Variants in ZNF704 observed in about 807,000 individuals in gnomAD.
ZNF704 encodes glucocorticoid induced gene 1.
ZNF704 carries 10 observed loss-of-function variants against 44.7 expected under a neutral mutation model. That is an observed-to-expected ratio of 0.22 (90% CI 0.14 to 0.38). The LOEUF (loss-of-function observed/expected upper bound fraction) is 0.38, where lower values mean the gene tolerates loss of function less well. Among genes scored for constraint, ZNF704 ranks in the 10% least tolerant of loss-of-function variants. ZNF704 has a pLI of 1.00. For synonymous variants in ZNF704, 211 were observed against 207.6 expected, an observed-to-expected ratio of 1.02 and a Z score of -0.14; for missense variants, 390 against 545.5, an observed-to-expected ratio of 0.71 and a Z score of 2.84.
At chr8:80,745,034 G>T (rs1043533261) in intron 2 of ZNF704, among the ~76,000 whole-genome samples, 3 of 152,148 alleles carry the variant, frequency 2.0e-5, no homozygotes, top group Non-Finnish European at 4.4e-5. Context: ...CAATTTGAAT[G>T]ATCAACTTTT....
intron 7 of ZNF704, among the ~76,000 whole-genome samples, chr8:80,656,507 TTC>T: frequency 6.6e-6 from 1 of 152,292 alleles, no homozygotes; most frequent in Non-Finnish European, 1.5e-5. Context: ...ATTAAGGATG[TTC>T]TCTTTCCTAC....
chr8:80,743,222 TATTAA>T (rs1454014912), intron 2 of ZNF704, among the ~76,000 whole-genome samples: 1 of 138,626 alleles, frequency 7.2e-6, no homozygotes, highest in Non-Finnish European at 1.5e-5. Context: ...AAAAATCTCC[TATTAA>T]AATAAAAAAA....
At chr8:80,816,429 A>G (rs1397447863) in intron 2 of ZNF704, among the ~76,000 whole-genome samples, 1 of 152,236 alleles carries the variant, frequency 6.6e-6, no homozygotes. Context: ...TCTATGAAAT[A>G]AAATATTTTG....
intron 7 of ZNF704, among the ~76,000 whole-genome samples, chr8:80,648,776 T>G (rs1817870559): frequency 6.6e-6 from 1 of 152,192 alleles, no homozygotes; most frequent in South Asian, 2.1e-4. Context: ...ATTTCCATTT[T>G]ATAGATGAGA....
At position 80,687,403 on chromosome 8, in the gene ZNF704, G is replaced by A. The variant is rs1023083595; in HGVS notation, c.381C>T (p.Ser127=). The stretch of plus-strand genomic sequence containing the variant: ...GGGCGCTCCAGCTCCAGTAGCCGCT[G>A]CTGCTGGTGCTGGAAGGCACGCAGC... The part of the protein sequence containing the change: ...EGGCVPSSTS[S]SGYWSWSAPS... Residue 127 remains serine (S), a synonymous_variant, in exon 4 of 9, where the codon AGC becomes AGT. Transcript: ENST00000327835. The A allele has an allele frequency of 3.1e-6, 5 of 1,603,120 alleles. No individual in the cohort carries two copies. In the South Asian group the frequency reaches 3.3e-5, roughly 11 times the overall value.
At chr8:80,714,712 T>C (rs1476748773) in intron 2 of ZNF704, among the ~76,000 whole-genome samples, 1 of 152,214 alleles carries the variant, frequency 6.6e-6, no homozygotes, top group South Asian at 2.1e-4. Flanking sequence ...TTAGTTTCTA[T>C]TTGACTGATA....
intron 2 of ZNF704, among the ~76,000 whole-genome samples, chr8:80,702,956 G>A (rs989247872): frequency 6.6e-6 from 1 of 152,066 alleles, no homozygotes; most frequent in Admixed American, 6.5e-5. Flanking sequence ...TTAAGGAAGC[G>A]GGAGGTGGAA....
chr8:80,825,753 G>C (rs934908160), intron 1 of ZNF704, among the ~76,000 whole-genome samples: 1 of 152,160 alleles, frequency 6.6e-6, no homozygotes, highest in Non-Finnish European at 1.5e-5. Flanking sequence ...AATCAAACTA[G>C]AACTCAGGAT....
chr8:80,849,424 AG>A (rs1031304407), intron 1 of ZNF704, among the ~76,000 whole-genome samples: 72 of 152,316 alleles, frequency 4.7e-4, no homozygotes, highest in African/African-American at 1.4e-3. Flanking sequence ...AAAACATCCC[AG>A]AAAGTACAGG....
intron 1 of ZNF704, among the ~76,000 whole-genome samples, chr8:80,859,203 C>T (rs1055197754): frequency 1.3e-5 from 2 of 152,114 alleles, no homozygotes; most frequent in African/African-American, 4.8e-5. Flanking sequence ...GGATATCCTT[C>T]TTCATCTCTG....
intron 1 of ZNF704, among the ~76,000 whole-genome samples, chr8:80,839,343 T>C (rs961235278): frequency 1.3e-5 from 2 of 152,204 alleles, no homozygotes; most frequent in African/African-American, 4.8e-5. Flanking sequence ...ATACATTTCA[T>C]TTAAAATACA....
intron 2 of ZNF704, among the ~76,000 whole-genome samples, chr8:80,782,038 C>T (rs1430051487): frequency 2.0e-5 from 3 of 152,180 alleles, no homozygotes; most frequent in African/African-American, 7.2e-5. Context: ...GAACTGCCAC[C>T]AAAAATATTA....
intron 2 of ZNF704, among the ~76,000 whole-genome samples, chr8:80,813,517 T>C (rs1376908011): frequency 2.0e-5 from 3 of 152,090 alleles, no homozygotes; most frequent in Admixed American, 6.5e-5. Flanking sequence ...AACACACACA[T>C]ACATACACAC....
intron 7 of ZNF704, among the ~76,000 whole-genome samples, chr8:80,646,004 C>G (rs1002508131): frequency 6.6e-6 from 1 of 152,078 alleles, no homozygotes. Context: ...GCCAGTTTGG[C>G]CCCCCTCACC....
chr8:80,779,488 T>C (rs912922333), intron 2 of ZNF704, among the ~76,000 whole-genome samples: 3 of 152,306 alleles, frequency 2.0e-5, no homozygotes, highest in South Asian at 2.1e-4. Flanking sequence ...GCTCATCTTA[T>C]TGGAATTTTG....
chr8:80,763,038 T>C (rs1372990979), intron 2 of ZNF704, among the ~76,000 whole-genome samples: 1 of 152,248 alleles, frequency 6.6e-6, no homozygotes, highest in Middle Eastern at 3.2e-3. Flanking sequence ...GCCATGGTTT[T>C]AGGCAGCTCT....
intron 2 of ZNF704, among the ~76,000 whole-genome samples, chr8:80,779,970 C>T (rs1259806605): frequency 2.6e-5 from 4 of 151,524 alleles, no homozygotes; most frequent in Non-Finnish European, 5.9e-5. Flanking sequence ...GAGATTCATC[C>T]CTAGTGGGAA....
chr8:80,648,408 T>G (rs1325337606), intron 7 of ZNF704, among the ~76,000 whole-genome samples: 3 of 152,182 alleles, frequency 2.0e-5, no homozygotes, highest in African/African-American at 7.2e-5. Context: ...TCTTCAGACT[T>G]TTAATGGCAA....
In ZNF704 at chr8:80,703,681, C is replaced by T. The variant is rs566774420; in HGVS notation, c.222-10574G>A. 5.9e-4 allele frequency among the ~76,000 whole-genome samples: 90 copies of T among 152,224 alleles called. 1 individual carries two copies. In the South Asian group the frequency reaches 0.018, roughly 31 times the overall value. On this transcript the variant is annotated intron_variant, in intron 2 of 8. Transcript: ENST00000327835. Reference sequence around the variant, plus strand: ...GTAGAGACGGGGTCTCACTATGTTGCCCAGGCTGGTCTCAAACTCCTGGAC... The same window carrying T: ...GTAGAGACGGGGTCTCACTATGTTGTCCAGGCTGGTCTCAAACTCCTGGAC...
Sources: allele counts gnomAD v4.1 joint callset (sites outside exome capture counted in the v4.1 genomes callset), GRCh38; gene constraint gnomAD v4.1.1; transcripts MANE v1.5; gene names NCBI Gene and HGNC (gene_info 2026-07-23, HGNC 2026-07-21).